Variants in TRPS1 observed in about 807,000 individuals in gnomAD.
TRPS1 encodes transcriptional repressor GATA binding 1.
Under a neutral mutation model 101.2 loss-of-function variants are expected in TRPS1, and 6 were observed. The ratio of observed to expected loss-of-function variants is 0.06; its 90% CI spans 0.03 to 0.12. The LOEUF (loss-of-function observed/expected upper bound fraction) is 0.12. Among genes scored for constraint, TRPS1 ranks in the 10% least tolerant of loss-of-function variants. TRPS1 has a pLI of 1.00. For synonymous variants in TRPS1, 578 were observed against 589.8 expected (o/e 0.98, Z 0.29); for missense variants, 1,363 against 1,567.0 (o/e 0.87, Z 2.20).
At chr8:115,596,083 C>T (rs1422315545) in intron 4 of TRPS1, among the ~76,000 whole-genome samples, 1 of 151,894 alleles carries the variant, frequency 6.6e-6, no homozygotes, top group Non-Finnish European at 1.5e-5. Flanking sequence ...CTACCTACTG[C>T]AACCAATGTC....
intron 5 of TRPS1, among the ~76,000 whole-genome samples, chr8:115,544,399 G>A (rs547140780): frequency 9.9e-5 from 15 of 151,958 alleles, no homozygotes; most frequent in Admixed American, 3.3e-4. Context: ...CTGGATTGGA[G>A]GCAGGTGGAA....
intron 5 of TRPS1, among the ~76,000 whole-genome samples, chr8:115,523,088 A>G (rs930230370): frequency 2.0e-5 from 3 of 152,182 alleles, no homozygotes; most frequent in Non-Finnish European, 4.4e-5. Context: ...TTCCAAGATT[A>G]GATCCTGAGT....
rs1163607335 is a variant in TRPS1, at chr8:115,605,635, TAAAG to T, written c.967-637_967-634del. 2.0e-5 allele frequency among the ~76,000 whole-genome samples: 3 copies of T among 151,978 alleles called. No individual in the cohort carries two copies. In the East Asian group the frequency reaches 5.8e-4, roughly 29 times the overall value. On this transcript the variant is annotated intron_variant, in intron 3 of 6. Transcript: ENST00000395715. ...TACTAGCAAAGAAGAACCGTGTAAA[TAAAG>T]AATTTTGAATGTTTCCCCATCTAGA...
intron 5 of TRPS1, among the ~76,000 whole-genome samples, chr8:115,442,969 G>A (rs901703172): frequency 6.6e-6 from 1 of 152,032 alleles, no homozygotes. Context: ...GGTGGCGGGC[G>A]CCTGTAGTCC....
rs1178105501 is a variant in TRPS1, at chr8:115,523,117, T to C, written c.2700+63884A>G. ...CCTGAGTTTAGGGGAGAAAAAAAAA[T>C]TGTTCTCAGAGAATCCCAACATATC... On this transcript the variant is annotated intron_variant, in intron 5 of 6. Coordinates refer to ENST00000395715, the MANE Select transcript of TRPS1 (RefSeq NM_014112.5). Among the ~76,000 whole-genome samples, 5 of 151,984 alleles carry C rather than the reference T, an allele frequency of 3.3e-5. No individual in the cohort carries two copies. In the South Asian group the frequency reaches 1.0e-3, roughly 32 times the overall value.
intron 5 of TRPS1, among the ~76,000 whole-genome samples, chr8:115,517,546 A>G (rs1157850310): frequency 9.3e-6 from 1 of 107,978 alleles, no homozygotes; most frequent in African/African-American, 3.6e-5. Context: ...AAATAACATT[A>G]TAACAACAAA....
At chr8:115,434,774 G>GA (rs1813408859) in intron 5 of TRPS1, among the ~76,000 whole-genome samples, 1 of 152,080 alleles carries the variant, frequency 6.6e-6, no homozygotes, top group African/African-American at 2.4e-5. Flanking sequence ...CTATTTCTTT[G>GA]AATGCTTATA....
intron 5 of TRPS1, among the ~76,000 whole-genome samples, chr8:115,429,138 A>G (rs1813258341): frequency 6.6e-6 from 1 of 152,194 alleles, no homozygotes; most frequent in Admixed American, 6.5e-5. Context: ...CTACCTCTTC[A>G]ATAACTCACC....
chr8:115,648,204 T>C (rs1586493087), intron 1 of TRPS1, among the ~76,000 whole-genome samples: 1 of 152,002 alleles, frequency 6.6e-6, no homozygotes, highest in East Asian at 1.9e-4. Flanking sequence ...GGCCAGGGGA[T>C]GCGACGCGAC....
At chr8:115,640,822 C>G (rs1296037208) in intron 1 of TRPS1, among the ~76,000 whole-genome samples, 1 of 152,186 alleles carries the variant, frequency 6.6e-6, no homozygotes, top group Non-Finnish European at 1.5e-5. Context: ...TGGATAATTA[C>G]AGTTCAAGAT....
intron 2 of TRPS1, 121 bp downstream of exon 2, chr8:115,623,480 A>G: frequency 1.7e-6 from 2 of 1,184,522 alleles, no homozygotes; most frequent in Non-Finnish European, 1.2e-6. Flanking sequence ...GTTAGATACC[A>G]TAAGACTATA....
chr8:115,622,449 C>A (rs1012120543), intron 2 of TRPS1, among the ~76,000 whole-genome samples: 1 of 152,046 alleles, frequency 6.6e-6, no homozygotes, highest in Non-Finnish European at 1.5e-5. Context: ...GCAAAATATG[C>A]ATGGTTTTAA....
At chr8:115,468,915 A>T (rs915904955) in intron 5 of TRPS1, among the ~76,000 whole-genome samples, 2 of 151,978 alleles carry the variant, frequency 1.3e-5, no homozygotes, top group Admixed American at 1.3e-4. Context: ...TGAGGACAAG[A>T]GATCATATGA....
chr8:115,645,399 G>A (rs1054632889), intron 1 of TRPS1, among the ~76,000 whole-genome samples: 4 of 152,032 alleles, frequency 2.6e-5, no homozygotes, highest in Non-Finnish European at 4.4e-5. Flanking sequence ...TTTTATTAAC[G>A]AAGTGCTTAT....
chr8:115,505,497 C>A (rs1047107570), intron 5 of TRPS1, among the ~76,000 whole-genome samples: 5 of 152,030 alleles, frequency 3.3e-5, no homozygotes, highest in Non-Finnish European at 7.4e-5. Context: ...TCACATGACA[C>A]CTTGATAGTG....
intron 5 of TRPS1, among the ~76,000 whole-genome samples, chr8:115,475,648 C>T (rs1004674599): frequency 7.2e-6 from 1 of 139,656 alleles, no homozygotes; most frequent in Non-Finnish European, 1.5e-5. Flanking sequence ...AAACCACAGA[C>T]ATAAACTTTA....
chr8:115,580,207 G>A, intron 5 of TRPS1, among the ~76,000 whole-genome samples: 1 of 135,918 alleles, frequency 7.4e-6, no homozygotes, highest in African/African-American at 2.8e-5. Context: ...GGAAAGTTTT[G>A]AACAGTATCT....
intron 4 of TRPS1, 151 bp downstream of exon 4, chr8:115,603,722 A>T: frequency 1.1e-6 from 1 of 923,564 alleles, no homozygotes; most frequent in Non-Finnish European, 1.6e-6. Context: ...ATCACCTGCA[A>T]ATCTGTGATG....
intron 6 of TRPS1, among the ~76,000 whole-genome samples, chr8:115,415,659 G>A (rs570660555): frequency 2.0e-5 from 3 of 152,230 alleles, no homozygotes; most frequent in South Asian, 2.1e-4. Context: ...GTGGCCTTAT[G>A]AGAAGAGGAA....
Sources: allele counts gnomAD v4.1 joint callset (sites outside exome capture counted in the v4.1 genomes callset), GRCh38; gene constraint gnomAD v4.1.1; transcripts MANE v1.5; gene names NCBI Gene and HGNC (gene_info 2026-07-23, HGNC 2026-07-21).